The following TTC22 variants were observed in gnomAD, a reference collection of about 807,000 sequenced individuals.
TTC22 encodes the protein tetratricopeptide repeat protein 22.
TTC22 carries 42 observed loss-of-function variants against 48.2 expected under a neutral mutation model. That is an observed-to-expected ratio of 0.87 (90% CI 0.68 to 1.13). TTC22 has a LOEUF of 1.13. Among genes scored for constraint, TTC22 ranks in the 50% most tolerant of loss-of-function variants. The probability of loss-of-function intolerance (pLI) is 0.00; values close to 1 mark genes in which losing one functional copy is unlikely to be tolerated. For missense variants in TTC22, 784 were observed against 807.0 expected (o/e 0.97, Z 0.34); for synonymous variants, 345 against 365.5 (o/e 0.94, Z 0.64).
chr1:54,793,225 G>A (rs576913790), intron 1 of TTC22, among the ~76,000 whole-genome samples: 19 of 152,290 alleles, frequency 1.2e-4, no homozygotes, highest in African/African-American at 4.1e-4. Flanking sequence ...GCAGATTCAT[G>A]GGAGGGAACT....
At position 54,784,811 on chromosome 1, in the gene TTC22, C is replaced by T. The variant is rs547132186; in HGVS notation, c.1020+1172G>A. On this transcript the variant is annotated intron_variant, in intron 5 of 6. Coordinates refer to ENST00000371276, the MANE Select transcript of TTC22 (RefSeq NM_001114108.2). ...GTGAAGTAAACTGGGAGCTCCGAGT[C>T]GGCTTCCTCAAGCACATGGGCTCTG... is the stretch of plus-strand genomic sequence containing the variant. 52 of 1,299,796 alleles carry T rather than the reference C, an allele frequency of 4.0e-5. No homozygotes were observed. The South Asian group carries it at 4.2e-4, about 11-fold the overall frequency. The allele number at this position is 1,299,796 out of a possible 1,614,324, so 80.5% of individuals were successfully genotyped here. A position where few individuals can be genotyped will look rare whatever the true frequency, so the allele number is the denominator to read the frequency against.
chr1:54,788,425 C>T lies in TTC22; in HGVS notation c.568-328G>A, dbSNP rs569772793. Among the ~76,000 whole-genome samples the T allele has an allele frequency of 1.1e-4, 16 of 151,974 alleles. 1 individual carries two copies. Among genetic ancestry groups the T allele is most frequent in the East Asian group, 3.9e-4 (2 of 5,150 alleles). On this transcript the variant is annotated intron_variant, in intron 1 of 6. Coordinates refer to ENST00000371276, the MANE Select transcript of TTC22 (RefSeq NM_001114108.2). ...ACCCCACTGCCCACCCTCTCCTCCA[C>T]GCCCACCGGCCTCCCGTTTGGTGCC... is the stretch of plus-strand genomic sequence containing the variant.
chr1:54,781,340 T>C lies in TTC22; in HGVS notation c.1613A>G (p.Gln538Arg), dbSNP rs1646260111. The C allele has an allele frequency of 7.1e-7, 1 of 1,413,618 alleles. No individual in the cohort carries two copies. The highest frequency in any genetic ancestry group is 9.1e-7 in the Non-Finnish European group (1 of 1,095,738). The allele number at this position is 1,413,618 out of a possible 1,614,324, so 87.6% of individuals were successfully genotyped here. ...CAGCCGCACCAGCGCCGGCCGTCCCTGGGCCACCAGGGCCCGGGCCAGCCC... is the reference window on the plus strand; with the variant it reads ...CAGCCGCACCAGCGCCGGCCGTCCCCGGGCCACCAGGGCCCGGGCCAGCCC... ...VLGLARALVAQGRPALVRLLF... is the reference protein window; with the variant it reads ...VLGLARALVARGRPALVRLLF... Residue 538 changes from glutamine to arginine, a missense_variant, in exon 7 of 7, where the codon CAG (glutamine) becomes CGG (arginine). Coordinates refer to ENST00000371276, the MANE Select transcript of TTC22 (RefSeq NM_001114108.2).
Position 54,787,730 on chromosome 1 carries a change from G to A in TTC22, c.720C>T (p.Ser240=), listed in dbSNP as rs1274309252. The change falls in exon 3 of 7, where the codon TCC becomes TCT. Residue 240 remains serine (S), a synonymous_variant. Coordinates refer to ENST00000371276, the MANE Select transcript of TTC22 (RefSeq NM_001114108.2). The stretch of plus-strand genomic sequence containing the variant: ...CCCCACCTCGGTGGCGGGGGTCCTC[G>A]GACTTCAGCACTTGCCGGAGTAGGG... ...TLALLRQVLK[S]EDPRHRALAW... is the part of the protein sequence containing the mutation. The A allele has an allele frequency of 3.7e-6, 6 of 1,612,908 alleles. No individual in the cohort carries two copies. Among genetic ancestry groups the A allele is most frequent in the Non-Finnish European group, 4.2e-6 (5 of 1,179,520 alleles).
intron 1 of TTC22, among the ~76,000 whole-genome samples, chr1:54,796,597 C>T (rs946636399): frequency 2.6e-5 from 4 of 152,222 alleles, no homozygotes; most frequent in Non-Finnish European, 5.9e-5. Context: ...AGGGCCTGCC[C>T]TGGTGTGTAT....
rs757897605 is a variant in TTC22, at chr1:54,784,774, C to G, written c.1020+1209G>C. 5.4e-6 allele frequency: 7 copies of G among 1,296,562 alleles called. No homozygotes were observed. The African/African-American group carries it at 1.1e-4, about 20-fold the overall frequency. 80.3% of individuals were successfully genotyped at this position (1,296,562 alleles called of 1,614,324 possible). A position where few individuals can be genotyped will look rare whatever the true frequency, so the allele number is the denominator to read the frequency against. On this transcript the variant is annotated intron_variant, in intron 5 of 6. Transcript: ENST00000371276. ...GAGAAGATGAGGGGATGGGAGGACT[C>G]TTCGGCTTGCAGTGAAGTAAACTGG...
chr1:54,785,896 T>C, intron 5 of TTC22, 87 bp downstream of exon 5: 1 of 1,350,200 alleles, frequency 7.4e-7, no homozygotes, highest in Non-Finnish European at 1.0e-6. Flanking sequence ...TCCCTGACCC[T>C]TGGGCCCTGG....
intron 6 of TTC22, 93 bp from the exon 7 acceptor site, chr1:54,781,872 C>A (rs923496052): frequency 3.0e-5 from 35 of 1,149,920 alleles, no homozygotes; most frequent in Admixed American, 3.6e-5. Flanking sequence ...AATTCCACTC[C>A]TTCACTCATT....
rs748370858 is a variant in TTC22, at chr1:54,786,074, T to C, written c.929A>G (p.Lys310Arg). 1.7e-5 allele frequency: 27 copies of C among 1,613,936 alleles called. No homozygotes were observed. The Admixed American group carries it at 4.0e-4, about 24-fold the overall frequency. The change falls in exon 5 of 7, where the codon AAG (lysine) becomes AGG (arginine). Residue 310 changes from lysine (K) to arginine (R), a missense_variant. By Grantham distance (26) the Lys-to-Arg change is conservative (BLOSUM62 2). Transcript: ENST00000371276. ...GCAGGTTCCAATGGCCATATCCTGC[T>C]TTCCCAGGAAGTAGAAGATTTTTGC... ...RLAKIFYFLG[K>R]QDMAIGTCNM...
intron 1 of TTC22, 148 bp downstream of exon 1, chr1:54,800,449 G>C (rs921493277): frequency 1.0e-5 from 7 of 689,224 alleles, no homozygotes; most frequent in African/African-American, 1.9e-5. Flanking sequence ...TGGGGCAGGC[G>C]GGGGATGCAC....
chr1:54,781,631 C>G lies in TTC22; in HGVS notation c.1322G>C (p.Cys441Ser), dbSNP rs547483362. 6.5e-7 allele frequency: 1 copy of G among 1,530,774 alleles called. No homozygotes were observed. The highest frequency in any genetic ancestry group is 1.4e-5 in the African/African-American group (1 of 72,462). The allele number at this position is 1,530,774 out of a possible 1,614,324, so 94.8% of individuals were successfully genotyped here. The change falls in exon 7 of 7, where the codon TGC (cysteine) becomes TCC (serine). Residue 441 changes from cysteine to serine, a missense_variant. By Grantham distance (112) the Cys-to-Ser change is moderately radical. Transcript: ENST00000371276. ...LPELQLLRGK[C>S]LRIKGEDANA... is the part of the protein sequence containing the mutation. ...GGCGTCCTCGCCCTTGATGCGCAGG[C>G]ACTTGCCGCGCAGCAGCTGCAGCTC... is the stretch of plus-strand genomic sequence containing the variant.
At position 54,786,028 on chromosome 1, in the gene TTC22, T is replaced by G; in HGVS notation, c.975A>C (p.Leu325=). Residue 325 remains leucine (L), a synonymous_variant, in exon 5 of 7, where the codon CTA becomes CTC. Transcript: ENST00000371276. ...CCTGCCAGTTGAGTTCTGGATCTCG[T>G]AGGACATCCAGGGCCATGTTGCAGG... ...IGTCNMALDV[L]RDPELNWQAY... is the part of the protein sequence containing the mutation. The G allele has an allele frequency of 6.2e-7, 1 of 1,614,100 alleles. No homozygotes were observed. The highest frequency in any genetic ancestry group is 8.5e-7 in the Non-Finnish European group (1 of 1,179,994).
At chr1:54,792,622 G>A (rs1157819693) in intron 1 of TTC22, among the ~76,000 whole-genome samples, 3 of 152,102 alleles carry the variant, frequency 2.0e-5, no homozygotes, top group Non-Finnish European at 2.9e-5. Context: ...TAGTAGAGAC[G>A]GGGTTTCTCC....
chr1:54,783,126 G>A (rs966651417), intron 5 of TTC22, among the ~76,000 whole-genome samples: 2 of 152,204 alleles, frequency 1.3e-5, no homozygotes, highest in Admixed American at 6.5e-5. Flanking sequence ...AGGTTTAGGA[G>A]GGGTGGGTTT....
At chr1:54,796,675 G>A (rs529147281) in intron 1 of TTC22, among the ~76,000 whole-genome samples, 34 of 149,926 alleles carry the variant, frequency 2.3e-4, no homozygotes, top group African/African-American at 6.8e-4. Context: ...ACATAACTGA[G>A]TTGGCTTGGG....
chr1:54,781,098 TC>T lies in TTC22; in HGVS notation c.*144del. Reference sequence around the variant, plus strand: ...TTCAAACCGCGCGGGTGTCGCAACATCCCCATTCACAATTCCCGACCAAGAA... The same window carrying T: ...TTCAAACCGCGCGGGTGTCGCAACATCCCATTCACAATTCCCGACCAAGAA... On this transcript the variant is annotated 3_prime_UTR_variant, in exon 7 of 7. Transcript: ENST00000371276. The T allele has an allele frequency of 1.8e-6, 1 of 547,634 alleles. No homozygotes were observed. Among genetic ancestry groups the T allele is most frequent in the Non-Finnish European group, 2.9e-6 (1 of 346,098 alleles). 33.9% of individuals were successfully genotyped at this position (547,634 alleles called of 1,614,324 possible).
chr1:54,782,412 G>T lies in TTC22; in HGVS notation c.1086C>A (p.Asp362Glu). The T allele has an allele frequency of 6.4e-7, 1 of 1,551,564 alleles. No homozygotes were observed. ...CCTTGGCACAGGCCAGGTGGTTCCT[G>T]TCAGGCATGCCCCCGAGACCCATCT... ...RAKMGLGGMPDRNHLACAKAD... is the reference protein window; with the variant it reads ...RAKMGLGGMPERNHLACAKAD... The change falls in exon 6 of 7, where the codon GAC (aspartate) becomes GAA (glutamate). Residue 362 changes from aspartate to glutamate, a missense_variant. By Grantham distance (45) the Asp-to-Glu change is conservative. Transcript: ENST00000371276.
chr1:54,788,795 G>A (rs191415122), intron 1 of TTC22, among the ~76,000 whole-genome samples: 407 of 152,178 alleles, frequency 2.7e-3, no homozygotes, highest in African/African-American at 8.0e-3. Flanking sequence ...CTGTGGGGGA[G>A]GGGGACCCAT....
intron 1 of TTC22, among the ~76,000 whole-genome samples, chr1:54,797,273 C>T (rs563293502): frequency 3.5e-5 from 3 of 85,254 alleles, no homozygotes; most frequent in Non-Finnish European, 5.7e-5. Context: ...TAAGAGATGG[C>T]GTGTGTATAC....
Sources: allele counts gnomAD v4.1 joint callset (sites outside exome capture counted in the v4.1 genomes callset), GRCh38; gene constraint gnomAD v4.1.1; transcripts MANE v1.5; gene names NCBI Gene and HGNC (gene_info 2026-07-23, HGNC 2026-07-21).